Variants in SCN11A observed in about 807,000 individuals in gnomAD.
The protein encoded by SCN11A is sodium channel protein type 11 subunit alpha.
A neutral mutation model predicts 162.2 loss-of-function variants in SCN11A; 122 were observed. The observed-to-expected ratio is 0.75, with a 90% confidence interval of 0.65 to 0.87. SCN11A has a LOEUF of 0.87. Among genes scored for constraint, SCN11A ranks in the 40% least tolerant of loss-of-function variants. SCN11A has a pLI of 0.00. For missense variants in SCN11A, 2,015 were observed against 2,181.6 expected (o/e 0.92, Z 1.52); for synonymous variants, 758 against 751.5 (o/e 1.01, Z -0.14).
rs560219621 is a variant in SCN11A at position 38,946,773 on chromosome 3, T to C, written c.386+16A>G. On this transcript the variant is annotated intron_variant, in intron 6 of 29. Coordinates refer to ENST00000302328, the MANE Select transcript of SCN11A (RefSeq NM_001349253.2). ...CAAATGATCTGGACTTAGTAAAAGGTGCAATGAAAGGATATGAATGGACTG... is the reference window on the plus strand; with the variant it reads ...CAAATGATCTGGACTTAGTAAAAGGCGCAATGAAAGGATATGAATGGACTG... 8.0e-6 allele frequency: 12 copies of C among 1,505,646 alleles called. No individual in the cohort carries two copies. The highest frequency in any genetic ancestry group is 1.0e-5 in the Non-Finnish European group (11 of 1,086,292). 93.3% of individuals were successfully genotyped at this position (1,505,646 alleles called of 1,614,324 possible).
At position 38,963,403 on chromosome 3, in the gene SCN11A, TATATATATATATATGATGGAG is replaced by T. The variant is rs1311663197; in HGVS notation, c.-279-3001_-279-2981del. Among the ~76,000 whole-genome samples, 73 of 63,812 alleles carry T rather than the reference TATATATATATATATGATGGAG, an allele frequency of 1.1e-3. 2 individuals are homozygous for T. The highest frequency in any genetic ancestry group is 5.0e-3 in the South Asian group (10 of 2,012). 41.9% of individuals were successfully genotyped at this position (63,812 alleles called of 152,430 possible). On this transcript the variant is annotated intron_variant, in intron 2 of 29. Transcript: ENST00000302328. The stretch of plus-strand genomic sequence containing the variant: ...TATATATATGATGGAGATATATATA[TATATATATATATATGATGGAG>T]ATATATATATATATATATATGATGG...
chr3:38,932,182 T>G (rs4624505), intron 7 of SCN11A, among the ~76,000 whole-genome samples: 80,800 of 152,122 alleles, frequency 0.53, 24,278 homozygotes, highest in South Asian at 0.67. Context: ...CCCCTAAGCA[T>G]TGTCCCTATA....
intron 1 of SCN11A, among the ~76,000 whole-genome samples, chr3:39,038,479 C>T (rs1372696985): frequency 2.0e-5 from 3 of 152,210 alleles, no homozygotes; most frequent in African/African-American, 4.8e-5. Flanking sequence ...CAAAGTCATC[C>T]CTTTGGTTGC....
intron 1 of SCN11A, among the ~76,000 whole-genome samples, chr3:39,044,244 A>G (rs1235188758): frequency 6.6e-6 from 1 of 152,196 alleles, no homozygotes; most frequent in Non-Finnish European, 1.5e-5. Flanking sequence ...TGGGGATTTC[A>G]ATACCTTTGA....
chr3:38,999,673 A>G (rs1019922830), intron 2 of SCN11A, among the ~76,000 whole-genome samples: 1 of 152,188 alleles, frequency 6.6e-6, no homozygotes, highest in African/African-American at 2.4e-5. Context: ...GCAATTTGTC[A>G]GCATAATAAT....
chr3:38,985,976 G>A lies in SCN11A; in HGVS notation c.-279-25553C>T, dbSNP rs562783715. 2.6e-5 allele frequency among the ~76,000 whole-genome samples: 4 copies of A among 151,060 alleles called. No homozygotes were observed. The South Asian group carries it at 6.2e-4, about 23-fold the overall frequency. The stretch of plus-strand genomic sequence containing the variant: ...TCACTCATGAGGCAAGGTTGTACTG[G>A]CCATTGGTGGGAAACTGCCATTTCT... On this transcript the variant is annotated intron_variant, in intron 2 of 29. Transcript: ENST00000302328.
rs201757165 is a variant in SCN11A, at chr3:38,847,591, C to T, written c.4479G>A (p.Ser1493=). 23 of 1,614,056 alleles carry T rather than the reference C, an allele frequency of 1.4e-5. No homozygotes were observed. The highest frequency in any genetic ancestry group is 1.3e-4 in the East Asian group (6 of 44,878). The change falls in exon 30 of 30, where the codon TCG becomes TCA. Residue 1493 remains serine, a synonymous_variant. Coordinates refer to ENST00000302328, the MANE Select transcript of SCN11A (RefSeq NM_001349253.2). ...GACCAATGTTGAACAGAGAAGGAAG[C>T]GACATCATCAGAGCAAAGAGGAGAG... ...IRTLLFALMM[S]LPSLFNIGLL...
chr3:38,913,010 G>C (rs994809379), intron 11 of SCN11A, among the ~76,000 whole-genome samples: 1 of 151,882 alleles, frequency 6.6e-6, no homozygotes, highest in Admixed American at 6.6e-5. Context: ...TGCGATTGCT[G>C]GGATGAATCC....
intron 1 of SCN11A, among the ~76,000 whole-genome samples, chr3:39,037,403 C>T (rs2125614557): frequency 6.6e-6 from 1 of 152,020 alleles, no homozygotes; most frequent in East Asian, 1.9e-4. Flanking sequence ...TGAATAAAAC[C>T]TAGTATTTGA....
At chr3:38,949,509 T>C (rs1278344362) in intron 5 of SCN11A, among the ~76,000 whole-genome samples, 1 of 152,210 alleles carries the variant, frequency 6.6e-6, no homozygotes, top group Non-Finnish European at 1.5e-5. Flanking sequence ...GCATCAGTTG[T>C]TGGTTTGAGC....
chr3:38,907,310 ATGTGTGTGTGTGTGTGTG>A (rs141158768), intron 14 of SCN11A, among the ~76,000 whole-genome samples: 2 of 119,238 alleles, frequency 1.7e-5, no homozygotes, highest in Admixed American at 8.1e-5. Flanking sequence ...ACCAACATAT[ATGTGTGTGTGTGTGTGTG>A]TGTGTGTGTG....
chr3:38,921,503 T>C (rs1490468684), intron 9 of SCN11A, among the ~76,000 whole-genome samples: 1 of 152,190 alleles, frequency 6.6e-6, no homozygotes, highest in Admixed American at 6.5e-5. Context: ...CCTGCCTCAG[T>C]GCTGCTATGA....
chr3:38,868,836 A>T (rs1559496515), intron 26 of SCN11A, among the ~76,000 whole-genome samples: 1 of 152,130 alleles, frequency 6.6e-6, no homozygotes, highest in Non-Finnish European at 1.5e-5. Flanking sequence ...CTGACTTAAG[A>T]GATTTGAGTA....
intron 2 of SCN11A, among the ~76,000 whole-genome samples, chr3:38,981,338 G>C (rs569832432): frequency 6.6e-6 from 1 of 152,120 alleles, no homozygotes; most frequent in African/African-American, 2.4e-5. Flanking sequence ...GCCTTCTTTT[G>C]TACTTTAATT....
chr3:38,933,561 G>A (rs1159564076), intron 7 of SCN11A, among the ~76,000 whole-genome samples: 1 of 152,210 alleles, frequency 6.6e-6, no homozygotes, highest in Non-Finnish European at 1.5e-5. Flanking sequence ...CAAGGCTCGA[G>A]AACTACGTGA....
At chr3:38,905,856 A>G (rs1247943528) in intron 14 of SCN11A, among the ~76,000 whole-genome samples, 1 of 152,164 alleles carries the variant, frequency 6.6e-6, no homozygotes, top group African/African-American at 2.4e-5. Flanking sequence ...AACCTCAAAC[A>G]CACTCTCAAG....
Position 38,876,271 on chromosome 3 carries a change from T to C in SCN11A, c.3393+3679A>G, listed in dbSNP as rs146522819. Reference sequence around the variant, plus strand: ...ACCATACAAATTCTAGAAGATAACATGGGAAAAACTCTTCTAGACATTGGC... The same window carrying C: ...ACCATACAAATTCTAGAAGATAACACGGGAAAAACTCTTCTAGACATTGGC... On this transcript the variant is annotated intron_variant, in intron 23 of 29. Transcript: ENST00000302328. Among the ~76,000 whole-genome samples the C allele has an allele frequency of 1.5e-4, 23 of 152,156 alleles. No homozygotes were observed. In the East Asian group the frequency reaches 4.4e-3, roughly 29 times the overall value.
At chr3:39,045,578 C>T (rs113872216) in intron 1 of SCN11A, among the ~76,000 whole-genome samples, 8 of 152,002 alleles carry the variant, frequency 5.3e-5, no homozygotes, top group Admixed American at 6.6e-5. Flanking sequence ...AAAAGGCATT[C>T]GATAAAATTC....
chr3:39,021,999 C>A (rs934273164), intron 2 of SCN11A, among the ~76,000 whole-genome samples: 2 of 152,070 alleles, frequency 1.3e-5, no homozygotes, highest in Admixed American at 1.3e-4. Context: ...CAGAAACCAG[C>A]CCTTTCAAAA....
Sources: gnomAD v4.1 joint callset for allele counts (sites outside exome capture counted in the v4.1 genomes callset) on GRCh38, gnomAD v4.1.1 for gene constraint, MANE v1.5 for transcripts, NCBI Gene and HGNC (gene_info 2026-07-23, HGNC 2026-07-21) for gene names.